CNTN1: variants seen among roughly 807,000 people sequenced by gnomAD.
CNTN1 encodes contactin-1.
In CNTN1, 38 loss-of-function variants were observed where a neutral mutation model predicts 126.4. The ratio of observed to expected loss-of-function variants is 0.30; its 90% confidence interval spans 0.23 to 0.39. The LOEUF (loss-of-function observed/expected upper bound fraction) is 0.39. Ranked by LOEUF, CNTN1 falls within the 10% of genes least tolerant of loss-of-function variation. The probability of loss-of-function intolerance (pLI) is 1.00; values close to 1 mark genes in which losing one functional copy is unlikely to be tolerated. For synonymous variants in CNTN1, 413 were observed against 422.6 expected (o/e 0.98, Z 0.28); for missense variants, 1,009 against 1,248.4 (o/e 0.81, Z 2.89).
At chr12:41,041,621 A>G (rs1269169964) in intron 23 of CNTN1, among the ~76,000 whole-genome samples, 1 of 152,152 alleles carries the variant, frequency 6.6e-6, no homozygotes, top group South Asian at 2.1e-4. Flanking sequence ...CAGAGAGTCA[A>G]CTTCGTCCTG....
At chr12:40,784,064 T>A (rs1243355931) in intron 1 of CNTN1, among the ~76,000 whole-genome samples, 1 of 152,156 alleles carries the variant, frequency 6.6e-6, no homozygotes, top group Non-Finnish European at 1.5e-5. Context: ...TACAGCATAG[T>A]GTAATCCCCT....
intron 19 of CNTN1, among the ~76,000 whole-genome samples, chr12:41,019,990 T>A (rs1948871882): frequency 6.6e-6 from 1 of 151,914 alleles, no homozygotes; most frequent in African/African-American, 2.4e-5. Flanking sequence ...TGAGAGAAAT[T>A]AAAAAAATAG....
intron 16 of CNTN1, among the ~76,000 whole-genome samples, chr12:40,983,935 CTA>C (rs993184999): frequency 7.4e-6 from 1 of 134,998 alleles, no homozygotes; most frequent in African/African-American, 2.8e-5. Flanking sequence ...TTATTATATG[CTA>C]TGTCATATAT....
At chr12:41,013,171 G>A (rs1948704123) in intron 17 of CNTN1, among the ~76,000 whole-genome samples, 1 of 152,080 alleles carries the variant, frequency 6.6e-6, no homozygotes, top group Non-Finnish European at 1.5e-5. Context: ...GGGGAAGGTT[G>A]GTCACTGTAC....
intron 1 of CNTN1, among the ~76,000 whole-genome samples, chr12:40,815,175 T>G (rs1038614556): frequency 2.1e-4 from 32 of 152,192 alleles, no homozygotes; most frequent in African/African-American, 7.7e-4. Context: ...AGTATTTTTC[T>G]AATTCTGTGA....
At chr12:40,799,435 C>G (rs916375797) in intron 1 of CNTN1, among the ~76,000 whole-genome samples, 8 of 151,822 alleles carry the variant, frequency 5.3e-5, no homozygotes, top group Non-Finnish European at 7.4e-5. Context: ...ATTTTTTCCT[C>G]TCAGCATTAA....
At chr12:40,874,167 T>C (rs1032244193) in intron 1 of CNTN1, among the ~76,000 whole-genome samples, 25 of 152,126 alleles carry the variant, frequency 1.6e-4, no homozygotes, top group Non-Finnish European at 2.5e-4. Flanking sequence ...GCCTCAGTTT[T>C]CCTATCTATA....
At position 40,993,202 on chromosome 12, in the gene CNTN1, A is replaced by T. The variant is rs770172094; in HGVS notation, c.2046A>T (p.Val682=). The T allele has an allele frequency of 1.2e-6, 2 of 1,613,892 alleles. No individual in the cohort carries two copies. The highest frequency in any genetic ancestry group is 1.7e-6 in the Non-Finnish European group (2 of 1,179,768). The change falls in exon 17 of 24, where the codon GTA becomes GTT. Residue 682 remains valine (V), a synonymous_variant. Transcript: ENST00000551295. ...GGATGGAGTATGAATTCCGCGTGGT[A>T]GCAACCAATACACTGGGTAGAGGAG... ...IPWMEYEFRV[V]ATNTLGRGEP... is the part of the protein sequence containing the mutation.
At chr12:40,771,207 G>A (rs558700320) in intron 1 of CNTN1, among the ~76,000 whole-genome samples, 1 of 152,192 alleles carries the variant, frequency 6.6e-6, no homozygotes, top group South Asian at 2.1e-4. Context: ...ATTGAGGCTT[G>A]TGAAAGCTTG....
chr12:41,052,919 A>C (rs1949719235), intron 23 of CNTN1, among the ~76,000 whole-genome samples: 2 of 151,990 alleles, frequency 1.3e-5, no homozygotes, highest in Admixed American at 6.6e-5. Flanking sequence ...AAAATGTGAG[A>C]GCCAATAAAA....
chr12:40,770,247 A>G (rs1487710780), intron 1 of CNTN1, among the ~76,000 whole-genome samples: 1 of 152,130 alleles, frequency 6.6e-6, no homozygotes, highest in Non-Finnish European at 1.5e-5. Flanking sequence ...AACCTCAGTT[A>G]TTCTGGAGAG....
chr12:40,957,932 T>C (rs976136989), intron 14 of CNTN1, among the ~76,000 whole-genome samples: 1 of 152,146 alleles, frequency 6.6e-6, no homozygotes, highest in South Asian at 2.1e-4. Flanking sequence ...GGGAACATGA[T>C]ATATGAAGAG....
intron 1 of CNTN1, among the ~76,000 whole-genome samples, chr12:40,878,847 A>G (rs2136691359): frequency 6.6e-6 from 1 of 152,322 alleles, no homozygotes; most frequent in South Asian, 2.1e-4. Context: ...GATATGAAAA[A>G]ACACTTATTT....
chr12:40,808,124 C>A (rs956037795), intron 1 of CNTN1, among the ~76,000 whole-genome samples: 8 of 152,088 alleles, frequency 5.3e-5, no homozygotes, highest in Non-Finnish European at 8.8e-5. Context: ...TTCAGTTGAC[C>A]AAAGAGAACT....
At chr12:40,781,489 A>G (rs938357101) in intron 1 of CNTN1, among the ~76,000 whole-genome samples, 1 of 151,972 alleles carries the variant, frequency 6.6e-6, no homozygotes, top group Non-Finnish European at 1.5e-5. Flanking sequence ...TAAGGGTTCC[A>G]TGGGAGACAA....
chr12:40,960,680 T>C (rs746836684), intron 15 of CNTN1, among the ~76,000 whole-genome samples: 2 of 152,082 alleles, frequency 1.3e-5, no homozygotes, highest in Non-Finnish European at 2.9e-5. Flanking sequence ...GACTACAAAA[T>C]CCTAAGTCAA....
chr12:40,805,374 T>C (rs1268114750), intron 1 of CNTN1, among the ~76,000 whole-genome samples: 1 of 152,078 alleles, frequency 6.6e-6, no homozygotes, highest in Non-Finnish European at 1.5e-5. Flanking sequence ...CTTTTATGTG[T>C]CAATTTGGGT....
At chr12:40,946,278 C>T (rs1946430996) in intron 14 of CNTN1, among the ~76,000 whole-genome samples, 1 of 152,094 alleles carries the variant, frequency 6.6e-6, no homozygotes. Context: ...ATAGTCCTAA[C>T]AGCTATTAAT....
chr12:40,947,772 TATATATATATAC>T (rs1946482031), intron 14 of CNTN1, among the ~76,000 whole-genome samples: 1 of 72,192 alleles, frequency 1.4e-5, no homozygotes, highest in Middle Eastern at 5.6e-3. Context: ...TTCATATATA[TATATATATATAC>T]ACACACACAC....
Sources: gnomAD v4.1 joint callset for allele counts (sites outside exome capture counted in the v4.1 genomes callset) on GRCh38, gnomAD v4.1.1 for gene constraint, MANE v1.5 for transcripts, NCBI Gene and HGNC (gene_info 2026-07-23, HGNC 2026-07-21) for gene names.